GTPBP6: variants seen among roughly 807,000 people sequenced by gnomAD.
GTPBP6 encodes the protein putative GTP-binding protein 6.
Under a neutral mutation model 28.9 loss-of-function variants are expected in GTPBP6, and 33 were observed. The observed-to-expected ratio is 1.14, with a 90% CI of 0.87 to 1.53. The LOEUF is 1.53. GTPBP6 is among the 40% of genes most tolerant of loss of function. The pLI is 0.00. For synonymous variants in GTPBP6, 231 were observed against 192.7 expected (o/e 1.20, Z -1.65); for missense variants, 507 against 408.3 (o/e 1.24, Z -2.08).
In GTPBP6 at chrX:314,269, G is replaced by A. The variant is rs377050717; in HGVS notation, c.690-52C>T. 124 of 1,463,864 alleles carry A rather than the reference G, an allele frequency of 8.5e-5. 1 individual carries two copies. The highest frequency in any genetic ancestry group is 2.5e-4 in the Admixed American group (15 of 59,394). The allele number at this position is 1,463,864 out of a possible 1,614,324, so 90.7% of individuals were successfully genotyped here. A position where few individuals can be genotyped will look rare whatever the true frequency, so the allele number is the denominator to read the frequency against. On this transcript the variant is annotated intron_variant, in intron 4 of 9. Coordinates refer to ENST00000326153, the Ensembl canonical transcript of GTPBP6. Reference sequence around the variant, plus strand: ...TCTCTGCGGACGCTGTCTCCCTCCCGGCAGAGGTCGAGGTGAAGGTGAAGG... The same window carrying A: ...TCTCTGCGGACGCTGTCTCCCTCCCAGCAGAGGTCGAGGTGAAGGTGAAGG...
At chrX:310,881 T>G (rs1370856014) in intron 7 of GTPBP6, among the ~76,000 whole-genome samples, 2 of 151,940 alleles carry the variant, frequency 1.3e-5, no homozygotes, top group East Asian at 3.9e-4. Context: ...TCATCGATCC[T>G]CAGGCATCAC....
intron 2 of GTPBP6, among the ~76,000 whole-genome samples, chrX:316,540 T>G (rs1260983754): frequency 1.3e-5 from 2 of 152,256 alleles, no homozygotes; most frequent in South Asian, 2.1e-4. Context: ...GATCGCATGC[T>G]GGACCCCACC....
At position 318,681 on chromosome X, in the gene GTPBP6, A is replaced by AGCGC. The variant is rs1435065108; in HGVS notation, c.103_106dup (p.Leu36ArgfsTer70). ...GGGGCTCCTGCGGCCGACAGCGGCT[A>AGCGC]GCGCGCGCGCGGGGCAGGACGGCGC... On this transcript the variant is annotated frameshift_variant, in exon 1 of 10. Transcript: ENST00000326153. LOFTEE classifies it high-confidence loss of function. The AGCGC allele has an allele frequency of 7.7e-6, 3 of 391,846 alleles. No homozygotes were observed. Among genetic ancestry groups the AGCGC allele is most frequent in the Non-Finnish European group, 9.0e-6 (2 of 222,118 alleles). 24.3% of individuals were successfully genotyped at this position (391,846 alleles called of 1,614,324 possible).
At chrX:306,260 A>G (rs752257109) in intron 9 of GTPBP6, among the ~76,000 whole-genome samples, 1 of 148,164 alleles carries the variant, frequency 6.7e-6, no homozygotes, top group Non-Finnish European at 1.5e-5. Flanking sequence ...AGAAATGTAC[A>G]TTTTGACTGT....
At chrX:306,559 C>T (rs2070170057) in intron 9 of GTPBP6, among the ~76,000 whole-genome samples, 1 of 150,392 alleles carries the variant, frequency 6.6e-6, no homozygotes, top group Admixed American at 6.6e-5. Context: ...CTGTTGTATG[C>T]AGTCAGAAAT....
chrX:309,606 A>G (rs1195402335), intron 7 of GTPBP6, among the ~76,000 whole-genome samples: 1 of 152,124 alleles, frequency 6.6e-6, no homozygotes, highest in Admixed American at 6.5e-5. Context: ...GTCCTAGGAG[A>G]CACAGACACA....
intron 8 of GTPBP6, 80 bp from the exon 9 acceptor site, chrX:307,592 C>T (rs1435971768): frequency 7.3e-6 from 11 of 1,506,136 alleles, no homozygotes; most frequent in Non-Finnish European, 9.9e-6. Context: ...AGTCCACTGC[C>T]CACGGGGCAC....
intron 2 of GTPBP6, 137 bp from the exon 3 acceptor site, chrX:315,436 C>T: frequency 2.5e-6 from 1 of 398,218 alleles, no homozygotes; most frequent in Non-Finnish European, 4.4e-6. Context: ...AGCACGAGAC[C>T]CGGGATCCAG....
In GTPBP6 at chrX:307,101, A is replaced by AT. The variant is rs1356838372; in HGVS notation, c.1427+258dup. Among the ~76,000 whole-genome samples, 3 of 151,756 alleles carry AT rather than the reference A, an allele frequency of 2.0e-5. 1 individual carries two copies. The highest frequency in any genetic ancestry group is 4.1e-4 in the South Asian group (2 of 4,826). On this transcript the variant is annotated intron_variant, in intron 9 of 9. Coordinates refer to ENST00000326153, the Ensembl canonical transcript of GTPBP6. ...CCGTTGTATGCAGTCAGAAATGTAC[A>AT]TTTTGACTGTCAGCACAGATTAGGC...
intron 9 of GTPBP6, 99 bp downstream of exon 9, chrX:307,261 G>GA: frequency 1.8e-6 from 2 of 1,082,692 alleles, no homozygotes; most frequent in East Asian, 2.4e-5. Context: ...AGCTCTCGGG[G>GA]ATCTCACAGC....
intron 9 of GTPBP6, among the ~76,000 whole-genome samples, chrX:305,847 A>G (rs1428713928): frequency 6.6e-6 from 1 of 152,016 alleles, no homozygotes; most frequent in African/African-American, 2.4e-5. Flanking sequence ...GCTGGTCTCG[A>G]TCTCCTGACC....
At chrX:317,696 ACCC>A (rs2070463851) in intron 1 of GTPBP6, among the ~76,000 whole-genome samples, 1 of 6,392 alleles carries the variant, frequency 1.6e-4, no homozygotes, top group South Asian at 3.8e-3. Flanking sequence ...GGCCCACCCA[ACCC>A]CACCCCACCC....
chrX:315,466 G>C (rs1485167062), intron 2 of GTPBP6, among the ~76,000 whole-genome samples, 167 bp from the exon 3 acceptor site: 3 of 152,088 alleles, frequency 2.0e-5, no homozygotes, highest in South Asian at 4.1e-4. Context: ...GTGGGAGGGG[G>C]TGTGTCTCTA....
intron 5 of GTPBP6, 60 bp from the exon 6 acceptor site, chrX:312,984 C>T (rs7498289): frequency 0.36 from 544,064 of 1,496,528 alleles, 104,299 homozygotes; most frequent in Admixed American, 0.58. Flanking sequence ...CAAGTGCGGG[C>T]GGTGCCGCGG....
At position 305,414 on chromosome X, in the gene GTPBP6, C is replaced by T. The variant is rs766804320; in HGVS notation, c.1428-217G>A. 3.6e-3 allele frequency among the ~76,000 whole-genome samples: 551 copies of T among 151,292 alleles called. 1 individual carries two copies. Among genetic ancestry groups the T allele is most frequent in the Non-Finnish European group, 5.9e-3 (400 of 67,832 alleles). On this transcript the variant is annotated intron_variant, in intron 9 of 9. Coordinates refer to ENST00000326153, the Ensembl canonical transcript of GTPBP6. ...TCAGCTCACTGCAAGCTCCACCTCC[C>T]GGGTTCAAGTGATTCTCCTGCCTCA...
Position 307,887 on chromosome X carries a change from G to A in GTPBP6, c.1126-7C>T. 1.3e-6 allele frequency: 2 copies of A among 1,512,014 alleles called. No individual in the cohort carries two copies. The highest frequency in any genetic ancestry group is 1.4e-5 in the African/African-American group (1 of 71,540). 93.7% of individuals were successfully genotyped at this position (1,512,014 alleles called of 1,614,324 possible). Reference sequence around the variant, plus strand: ...TCACGTGCAAGATGAGATCCTGTGGGCCGGGCCGTGGGGTCAGAGCTGCGG... The same window carrying A: ...TCACGTGCAAGATGAGATCCTGTGGACCGGGCCGTGGGGTCAGAGCTGCGG... On this transcript the variant is annotated splice_region_variant and splice_polypyrimidine_tract_variant and intron_variant, in intron 7 of 9. Transcript: ENST00000326153.
At chrX:307,683 A>C in intron 8 of GTPBP6, 49 bp downstream of exon 8, 1 of 1,451,880 alleles carries the variant, frequency 6.9e-7, no homozygotes, top group Non-Finnish European at 9.1e-7. Context: ...ACCCGGCTCC[A>C]GCGCGTGCAG....
At chrX:307,950 C>G in intron 7 of GTPBP6, 70 bp from the exon 8 acceptor site, 16 of 1,343,920 alleles carry the variant, frequency 1.2e-5, no homozygotes, top group Non-Finnish European at 1.4e-5. Context: ...CAGACAGGCC[C>G]AGGAGAGGGG....
At chrX:312,875 G>C (rs1140798) in exon 6 of GTPBP6, 19 of 1,612,056 alleles carry the variant, frequency 1.2e-5, no homozygotes, top group African/African-American at 2.7e-5. Context: ...TCCTGATCTT[G>C]GCCTCCTTCT....
Sources: gnomAD v4.1 joint callset for allele counts (sites outside exome capture counted in the v4.1 genomes callset) on GRCh38, gnomAD v4.1.1 for gene constraint, MANE v1.5 for transcripts, NCBI Gene and HGNC (gene_info 2026-07-23, HGNC 2026-07-21) for gene names.